The following DGKB variants were observed in gnomAD, a reference collection of about 807,000 sequenced individuals.
DGKB encodes 90 kDa diacylglycerol kinase.
Under a neutral mutation model 114.3 loss-of-function variants are expected in DGKB, and 67 were observed. That is an observed-to-expected ratio of 0.59 (90% CI 0.48 to 0.72). DGKB has a LOEUF of 0.72. Among genes scored for constraint, DGKB ranks in the 30% least tolerant of loss-of-function variants. DGKB has a pLI of 0.00. For missense variants in DGKB, 907 were observed against 975.2 expected (o/e 0.93, Z 0.93); for synonymous variants, 398 against 323.1 (o/e 1.23, Z -2.49).
At chr7:14,257,605 C>A (rs1796133699) in intron 23 of DGKB, among the ~76,000 whole-genome samples, 1 of 152,134 alleles carries the variant, frequency 6.6e-6, no homozygotes, top group Admixed American at 6.5e-5. Context: ...TCATACTGGG[C>A]TTTTTCCCCT....
intron 23 of DGKB, among the ~76,000 whole-genome samples, chr7:14,205,400 T>C (rs746852013): frequency 2.0e-5 from 3 of 151,912 alleles, no homozygotes; most frequent in Non-Finnish European, 4.4e-5. Flanking sequence ...TCTTATGTTT[T>C]AAAGCTTCTC....
intron 12 of DGKB, among the ~76,000 whole-genome samples, chr7:14,676,501 C>T (rs1455978471): frequency 3.9e-5 from 6 of 152,072 alleles, no homozygotes; most frequent in Non-Finnish European, 1.5e-5. Context: ...GTGCTTATTT[C>T]ACATTGCATG....
chr7:14,880,452 C>G lies in DGKB; in HGVS notation c.-188+22140G>C, dbSNP rs140276752. On this transcript the variant is annotated intron_variant, in intron 1 of 25. Coordinates refer to ENST00000402815, the MANE Select transcript of DGKB (RefSeq NM_001350709.2). ...CAGCCTTGGCAACAGAGTGAGACTC[C>G]ATCTCAAATAAATAAATAAATAAAG... 5.5e-3 allele frequency among the ~76,000 whole-genome samples: 831 copies of G among 152,204 alleles called. 11 individuals carry two copies. The highest frequency in any genetic ancestry group is 0.018 in the African/African-American group (755 of 41,534).
intron 13 of DGKB, among the ~76,000 whole-genome samples, chr7:14,667,129 C>G (rs1818177101): frequency 6.6e-6 from 1 of 151,968 alleles, no homozygotes; most frequent in South Asian, 2.1e-4. Context: ...TTGCTAATCT[C>G]TGGAAATGGT....
chr7:14,773,305 A>G (rs1837685464), intron 2 of DGKB, among the ~76,000 whole-genome samples: 1 of 152,060 alleles, frequency 6.6e-6, no homozygotes, highest in Non-Finnish European at 1.5e-5. Flanking sequence ...GGGTGTTTTC[A>G]TAGGTTGAGA....
intron 2 of DGKB, among the ~76,000 whole-genome samples, chr7:14,777,394 A>C (rs1838360377): frequency 2.0e-5 from 3 of 152,106 alleles, no homozygotes; most frequent in Non-Finnish European, 4.4e-5. Context: ...CTATGTCACC[A>C]CCCAAATCTC....
chr7:14,340,157 T>A (rs2128579406), intron 22 of DGKB, among the ~76,000 whole-genome samples: 1 of 129,802 alleles, frequency 7.7e-6, no homozygotes, highest in Middle Eastern at 3.8e-3. Context: ...ATCTGGATGA[T>A]GCTTTTTTTT....
chr7:14,887,800 A>C (rs1451067944), intron 1 of DGKB, among the ~76,000 whole-genome samples: 1 of 151,790 alleles, frequency 6.6e-6, no homozygotes, highest in Non-Finnish European at 1.5e-5. Flanking sequence ...AGAAAATGAA[A>C]ATTTTAAAAT....
chr7:14,909,148 T>C (rs1242196796), intron 1 of DGKB, among the ~76,000 whole-genome samples: 1 of 152,220 alleles, frequency 6.6e-6, no homozygotes, highest in African/African-American at 2.4e-5. Flanking sequence ...GTACATTTCC[T>C]GCATCCAACT....
intron 20 of DGKB, among the ~76,000 whole-genome samples, chr7:14,515,767 G>T (rs1788693383): frequency 1.3e-5 from 2 of 152,028 alleles, no homozygotes; most frequent in South Asian, 4.1e-4. Flanking sequence ...AAAACTACTT[G>T]GATTATACGT....
intron 13 of DGKB, among the ~76,000 whole-genome samples, chr7:14,646,953 G>T (rs1338984224): frequency 6.6e-6 from 1 of 151,270 alleles, no homozygotes; most frequent in Non-Finnish European, 1.5e-5. Context: ...AAAATTTATG[G>T]AAGAAAAAAA....
chr7:14,552,677 C>A (rs1291627860), intron 20 of DGKB, among the ~76,000 whole-genome samples: 1 of 152,158 alleles, frequency 6.6e-6, no homozygotes, highest in East Asian at 1.9e-4. Flanking sequence ...GGGGCAGCTA[C>A]CATGAATTTG....
chr7:14,245,384 C>A (rs1794320880), intron 23 of DGKB, among the ~76,000 whole-genome samples: 1 of 151,908 alleles, frequency 6.6e-6, no homozygotes, highest in African/African-American at 2.4e-5. Context: ...ATTAAATATA[C>A]CCTATTGGGA....
intron 21 of DGKB, among the ~76,000 whole-genome samples, chr7:14,471,025 G>A (rs1046984663): frequency 6.6e-6 from 1 of 150,480 alleles, no homozygotes; most frequent in Non-Finnish European, 1.5e-5. Context: ...AACTTTAATG[G>A]AATTTTTATC....
At chr7:14,582,334 T>C (rs1244426518) in intron 18 of DGKB, among the ~76,000 whole-genome samples, 2 of 152,194 alleles carry the variant, frequency 1.3e-5, no homozygotes, top group Non-Finnish European at 2.9e-5. Context: ...ATTTATACTT[T>C]TTCTTGTGCT....
chr7:14,745,251 A>G (rs556744365), intron 4 of DGKB, among the ~76,000 whole-genome samples: 8 of 152,354 alleles, frequency 5.3e-5, no homozygotes, highest in African/African-American at 1.9e-4. Flanking sequence ...CGATCATGCA[A>G]CCAGAGTCTC....
chr7:14,605,850 T>C lies in DGKB; in HGVS notation c.1433+1584A>G, dbSNP rs144899861. 1.0e-3 allele frequency among the ~76,000 whole-genome samples: 153 copies of C among 152,242 alleles called. 1 individual carries two copies. Among genetic ancestry groups the C allele is most frequent in the African/African-American group, 3.5e-3 (145 of 41,582 alleles). ...CACTGAGGACATGCTATGCAGTAAG[T>C]ACATTGTTATTTGCTTCATAGGCAT... On this transcript the variant is annotated intron_variant, in intron 17 of 25. Coordinates refer to ENST00000402815, the MANE Select transcript of DGKB (RefSeq NM_001350709.2).
chr7:14,885,958 AAAGG>A (rs1328323975), intron 1 of DGKB, among the ~76,000 whole-genome samples: 2 of 152,058 alleles, frequency 1.3e-5, no homozygotes, highest in African/African-American at 4.8e-5. Context: ...AGAAAAAAAT[AAAGG>A]AAGGATCTAC....
At chr7:14,593,852 C>T (rs1452815723) in intron 17 of DGKB, among the ~76,000 whole-genome samples, 4 of 150,946 alleles carry the variant, frequency 2.6e-5, no homozygotes, top group Non-Finnish European at 5.9e-5. Flanking sequence ...AGGAGATTTG[C>T]AGCATCCAAT....
Sources: gnomAD v4.1 joint callset for allele counts (sites outside exome capture counted in the v4.1 genomes callset) on GRCh38, gnomAD v4.1.1 for gene constraint, MANE v1.5 for transcripts, NCBI Gene and HGNC (gene_info 2026-07-23, HGNC 2026-07-21) for gene names.